Variants in CCDC178 observed in about 807,000 individuals in gnomAD.
CCDC178 encodes the protein coiled-coil domain-containing protein 178.
In CCDC178, 126 loss-of-function variants were observed where a neutral mutation model predicts 117.4. The ratio of observed to expected loss-of-function variants is 1.07; its 90% CI spans 0.93 to 1.24. The LOEUF (loss-of-function observed/expected upper bound fraction) is 1.24, where lower values mean the gene tolerates loss of function less well. Ranked by LOEUF, CCDC178 falls within the 50% of genes most tolerant of loss-of-function variation. The pLI is 0.00. For synonymous variants in CCDC178, 283 were observed against 313.4 expected (o/e 0.90, Z 1.02); for missense variants, 1,030 against 986.9 (o/e 1.04, Z -0.59).
chr18:33,077,551 A>G (rs952765852), intron 21 of CCDC178, among the ~76,000 whole-genome samples: 2 of 152,180 alleles, frequency 1.3e-5, no homozygotes, highest in African/African-American at 4.8e-5. Flanking sequence ...ATAAAGAAGA[A>G]AAGAGAGAAG....
At chr18:33,253,336 A>G (rs2059638488) in intron 14 of CCDC178, among the ~76,000 whole-genome samples, 1 of 151,844 alleles carries the variant, frequency 6.6e-6, no homozygotes. Flanking sequence ...ATTTATTTAA[A>G]CAGTGTAAAA....
chr18:33,049,626 A>G (rs1325677625), intron 21 of CCDC178, among the ~76,000 whole-genome samples: 3 of 152,198 alleles, frequency 2.0e-5, no homozygotes, highest in Admixed American at 6.5e-5. Context: ...AATATTTAAC[A>G]GGGTGAGTGT....
In CCDC178 at chr18:33,346,315, T is replaced by G; in HGVS notation, c.554A>C (p.Glu185Ala). ...TGATCTCTGTTGTTTTAAAGCTTCT[T>G]CAGCGTCTGCCCGGTCAGTTTCTAG... ...KSLETDRADA[E>A]EALKQQRSRK... Residue 185 changes from glutamate to alanine, a missense_variant, in exon 9 of 23, where the codon GAA (glutamate) becomes GCA (alanine). Physicochemically the swap from Glu to Ala is moderately radical, Grantham distance 107. Coordinates refer to ENST00000383096, the MANE Select transcript of CCDC178 (RefSeq NM_001105528.4). 1 of 1,613,750 alleles carries G rather than the reference T, an allele frequency of 6.2e-7. No individual in the cohort carries two copies. The highest frequency in any genetic ancestry group is 8.5e-7 in the Non-Finnish European group (1 of 1,179,676).
intron 20 of CCDC178, among the ~76,000 whole-genome samples, chr18:33,140,052 C>A (rs941864683): frequency 3.9e-5 from 6 of 152,190 alleles, no homozygotes; most frequent in African/African-American, 1.4e-4. Context: ...GTGCAAGCCT[C>A]AAGCCTTGGC....
chr18:32,995,524 T>C (rs1442663542), intron 21 of CCDC178, among the ~76,000 whole-genome samples: 3 of 152,148 alleles, frequency 2.0e-5, no homozygotes, highest in Non-Finnish European at 4.4e-5. Flanking sequence ...ACCAGATGTA[T>C]ACAAAATAAA....
At chr18:33,238,731 C>T (rs1599038184) in intron 15 of CCDC178, among the ~76,000 whole-genome samples, 2 of 152,004 alleles carry the variant, frequency 1.3e-5, no homozygotes, top group South Asian at 2.1e-4. Context: ...AATAGGTGAA[C>T]ACTTCCAAAG....
intron 21 of CCDC178, among the ~76,000 whole-genome samples, chr18:33,082,550 T>G (rs2057314119): frequency 6.6e-6 from 1 of 152,126 alleles, no homozygotes; most frequent in South Asian, 2.1e-4. Flanking sequence ...AAATTCCACT[T>G]AGTTTAGTAT....
At chr18:33,045,175 A>G (rs12970534) in intron 21 of CCDC178, among the ~76,000 whole-genome samples, 6 of 152,178 alleles carry the variant, frequency 3.9e-5, no homozygotes, top group Non-Finnish European at 8.8e-5. Flanking sequence ...AAAATAAAAT[A>G]AATTGTAAAA....
chr18:33,033,952 T>C (rs977683671), intron 21 of CCDC178, among the ~76,000 whole-genome samples: 2 of 151,964 alleles, frequency 1.3e-5, no homozygotes, highest in African/African-American at 4.8e-5. Context: ...TATATGTGTA[T>C]ATATATAAAC....
At chr18:33,322,641 A>G (rs954724251) in intron 11 of CCDC178, among the ~76,000 whole-genome samples, 1 of 151,790 alleles carries the variant, frequency 6.6e-6, no homozygotes, top group Admixed American at 6.6e-5. Flanking sequence ...AGAAGAAATC[A>G]TGATAAAAAT....
intron 20 of CCDC178, among the ~76,000 whole-genome samples, chr18:33,112,016 A>G (rs2057789752): frequency 6.6e-6 from 1 of 151,778 alleles, no homozygotes. Flanking sequence ...AAAACTAACA[A>G]ATGAGAAAGT....
At chr18:33,120,059 T>C (rs1039878503) in intron 20 of CCDC178, among the ~76,000 whole-genome samples, 1 of 151,780 alleles carries the variant, frequency 6.6e-6, no homozygotes, top group African/African-American at 2.4e-5. Context: ...TGGGGAGGGA[T>C]AGCATTAGGA....
chr18:32,942,160 C>T (rs188219741), intron 22 of CCDC178, among the ~76,000 whole-genome samples: 2 of 152,092 alleles, frequency 1.3e-5, no homozygotes, highest in East Asian at 3.9e-4. Context: ...AAGTCTTTTG[C>T]CCCAGTGTTT....
chr18:33,072,872 G>A (rs2057134007), intron 21 of CCDC178, among the ~76,000 whole-genome samples: 1 of 152,032 alleles, frequency 6.6e-6, no homozygotes, highest in Non-Finnish European at 1.5e-5. Flanking sequence ...CTCTCGAACT[G>A]CTGGGATTAC....
intron 20 of CCDC178, among the ~76,000 whole-genome samples, chr18:33,157,022 T>C (rs1362412708): frequency 6.6e-6 from 1 of 152,198 alleles, no homozygotes; most frequent in Non-Finnish European, 1.5e-5. Flanking sequence ...AGTCTACATA[T>C]AATTTTTTAA....
At chr18:33,325,612 G>A (rs1473480664) in intron 10 of CCDC178, among the ~76,000 whole-genome samples, 3 of 151,896 alleles carry the variant, frequency 2.0e-5, no homozygotes, top group Non-Finnish European at 2.9e-5. Flanking sequence ...TAGATCATAC[G>A]CAAGTGCAGT....
At chr18:33,405,624 T>C (rs899729304) in intron 3 of CCDC178, among the ~76,000 whole-genome samples, 2 of 151,968 alleles carry the variant, frequency 1.3e-5, no homozygotes, top group African/African-American at 4.8e-5. Flanking sequence ...TTCAAGTATA[T>C]AGGCCAGAGA....
rs757495391 is a variant in CCDC178 at position 33,266,955 on chromosome 18, T to C, written c.1370A>G (p.Glu457Gly). The C allele has an allele frequency of 6.3e-7, 1 of 1,588,956 alleles. No homozygotes were observed. Among genetic ancestry groups the C allele is most frequent in the Non-Finnish European group, 8.5e-7 (1 of 1,172,442 alleles). The part of the protein sequence containing the change: ...TKLTEDNKKL[E>G]IDINKITVKT... ...TACTGTTATTTTGTTAATATCAATC[T>C]CAAGTTTTTTATTGTCTTCCGTCAG... Residue 457 changes from glutamate to glycine, a missense_variant, in exon 14 of 23, where the codon GAG becomes GGG. Coordinates refer to ENST00000383096, the MANE Select transcript of CCDC178 (RefSeq NM_001105528.4).
chr18:32,999,717 T>C (rs1186525052), intron 21 of CCDC178, among the ~76,000 whole-genome samples: 1 of 152,150 alleles, frequency 6.6e-6, no homozygotes, highest in East Asian at 1.9e-4. Context: ...AAAATTCTTT[T>C]AGATTTTATC....
Sources: allele counts gnomAD v4.1 joint callset (sites outside exome capture counted in the v4.1 genomes callset), GRCh38; gene constraint gnomAD v4.1.1; transcripts MANE v1.5; gene names NCBI Gene and HGNC (gene_info 2026-07-23, HGNC 2026-07-21).